The following HOOK3 variants were observed in gnomAD, a reference collection of about 807,000 sequenced individuals.
The protein encoded by HOOK3 is hook microtubule tethering protein 3.
HOOK3 carries 24 observed loss-of-function variants against 116.3 expected under a neutral mutation model. That is an observed-to-expected ratio of 0.21 (90% confidence interval 0.15 to 0.29). The LOEUF is 0.29. HOOK3 is among the 10% of genes least tolerant of loss of function. The pLI is 1.00. For missense variants in HOOK3, 632 were observed against 830.2 expected (o/e 0.76, Z 2.93); for synonymous variants, 275 against 283.0 (o/e 0.97, Z 0.28).
intron 1 of HOOK3, among the ~76,000 whole-genome samples, chr8:42,905,473 A>C (rs1231981324): frequency 6.6e-6 from 1 of 152,044 alleles, no homozygotes; most frequent in Non-Finnish European, 1.5e-5. Flanking sequence ...TTAAATCAAC[A>C]GGAGATTGGC....
intron 6 of HOOK3, among the ~76,000 whole-genome samples, chr8:42,954,139 A>G (rs537071391): frequency 1.6e-4 from 24 of 152,240 alleles, no homozygotes; most frequent in South Asian, 2.1e-4. Flanking sequence ...AAAGGTAGAT[A>G]GAAAGCACAT....
intron 2 of HOOK3, among the ~76,000 whole-genome samples, chr8:42,916,860 A>G (rs187089970): frequency 1.2e-4 from 18 of 152,262 alleles, no homozygotes; most frequent in Admixed American, 5.9e-4. Context: ...ACTTGGGTCT[A>G]AGTCTTTTCG....
chr8:42,941,644 T>C (rs1260540287), intron 4 of HOOK3, among the ~76,000 whole-genome samples: 2 of 152,196 alleles, frequency 1.3e-5, no homozygotes, highest in South Asian at 2.1e-4. Context: ...GTTGGTGGTA[T>C]ATTTCTATTC....
intron 2 of HOOK3, among the ~76,000 whole-genome samples, chr8:42,911,261 G>A (rs571262853): frequency 1.3e-5 from 2 of 152,180 alleles, no homozygotes; most frequent in Admixed American, 6.5e-5. Flanking sequence ...AGACCAGCCT[G>A]ACCAACATGG....
chr8:42,982,276 A>G (rs1808966165), intron 13 of HOOK3, among the ~76,000 whole-genome samples: 3 of 151,210 alleles, frequency 2.0e-5, no homozygotes, highest in Admixed American at 6.6e-5. Flanking sequence ...AAAAAGAAAA[A>G]AAAAAAGAAA....
chr8:42,974,115 A>C lies in HOOK3; in HGVS notation c.1242A>C (p.Arg414Ser), dbSNP rs1325847967. Residue 414 changes from arginine to serine, a missense_variant, in exon 13 of 22, where the codon AGA becomes AGC. By Grantham distance (110) the Arg-to-Ser change is moderately radical. Transcript: ENST00000307602. Reference sequence around the variant, plus strand: ...TTTTTGTGTCTCTCCAGAGGCTGAGAACAGAAAGGGATTCTCTGAAGGAAA... The same window carrying C: ...TTTTTGTGTCTCTCCAGAGGCTGAGCACAGAAAGGGATTCTCTGAAGGAAA... ...DSLQKEKDRLRTERDSLKETI... is the reference protein window; with the variant it reads ...DSLQKEKDRLSTERDSLKETI... 8.7e-6 allele frequency: 14 copies of C among 1,613,298 alleles called. No individual in the cohort carries two copies. The highest frequency in any genetic ancestry group is 1.0e-5 in the Non-Finnish European group (12 of 1,179,322).
rs1809934539 is a variant in HOOK3 at position 43,026,421 on chromosome 8, A to G, written c.*7923A>G. 1 of 205,480 alleles carries G rather than the reference A, an allele frequency of 4.9e-6. No homozygotes were observed. Among genetic ancestry groups the G allele is most frequent in the Non-Finnish European group, 1.0e-5 (1 of 100,484 alleles). The allele number at this position is 205,480 out of a possible 1,614,324, so 12.7% of individuals were successfully genotyped here. Reference sequence around the variant, plus strand: ...TGGCATTTTCTGTTATCTTAGAGTCAGGAATCTAAAGGTCTAAGTCTAGAA... The same window carrying G: ...TGGCATTTTCTGTTATCTTAGAGTCGGGAATCTAAAGGTCTAAGTCTAGAA... On this transcript the variant is annotated 3_prime_UTR_variant, in exon 22 of 22. Coordinates refer to ENST00000307602, the MANE Select transcript of HOOK3 (RefSeq NM_032410.4).
rs760587735 is a variant in HOOK3 at position 42,997,537 on chromosome 8, A to G, written c.1533-13A>G. On this transcript the variant is annotated splice_polypyrimidine_tract_variant and intron_variant, in intron 15 of 21. Transcript: ENST00000307602. ...CTCACCACTTGGAAAATTAATGTAC[A>G]TTTCATTTCTAGGCTGGTGAATCAA... The G allele has an allele frequency of 1.9e-6, 3 of 1,558,232 alleles. No homozygotes were observed. The highest frequency in any genetic ancestry group is 1.4e-5 in the African/African-American group (1 of 73,198).
At chr8:42,964,725 G>A (rs1015579278) in intron 9 of HOOK3, among the ~76,000 whole-genome samples, 1 of 152,016 alleles carries the variant, frequency 6.6e-6, no homozygotes, top group Non-Finnish European at 1.5e-5. Context: ...TACTCGGGAG[G>A]CTGAGAAATG....
intron 5 of HOOK3, among the ~76,000 whole-genome samples, chr8:42,948,154 T>G (rs574671786): frequency 6.6e-6 from 1 of 152,312 alleles, no homozygotes; most frequent in Non-Finnish European, 1.5e-5. Flanking sequence ...AAGTGTTATG[T>G]GACTTGCCCA....
In HOOK3 at chr8:43,019,820, T is replaced by G. The variant is rs1342669861; in HGVS notation, c.*1322T>G. On this transcript the variant is annotated 3_prime_UTR_variant, in exon 22 of 22. Transcript: ENST00000307602. ...TTGGTCCCAAATTATATTTAAGTCT[T>G]TTTTCTTGCAACGTAGCCCATTTTT... 1 of 204,112 alleles carries G rather than the reference T, an allele frequency of 4.9e-6. No individual in the cohort carries two copies. Among genetic ancestry groups the G allele is most frequent in the East Asian group, 7.6e-5 (1 of 13,128 alleles). 12.6% of individuals were successfully genotyped at this position (204,112 alleles called of 1,614,324 possible).
At chr8:42,897,330 C>A (rs902610034) in intron 1 of HOOK3, 142 bp downstream of exon 1, 2 of 473,088 alleles carry the variant, frequency 4.2e-6, no homozygotes, top group Non-Finnish European at 6.7e-6. Context: ...CGAGGAGGCT[C>A]GGCCCAGGGT....
chr8:42,960,296 TAAAAC>T (rs1808512991), intron 8 of HOOK3, among the ~76,000 whole-genome samples: 1 of 152,204 alleles, frequency 6.6e-6, no homozygotes. Flanking sequence ...AGTACTTGCC[TAAAAC>T]ATTTACAGTA....
intron 21 of HOOK3, among the ~76,000 whole-genome samples, chr8:43,014,716 T>C (rs560634702): frequency 1.3e-5 from 2 of 152,328 alleles, no homozygotes; most frequent in Admixed American, 1.3e-4. Flanking sequence ...ATTGTTTTTG[T>C]TTTACAGTTA....
At chr8:42,918,059 G>A (rs1383062648) in intron 2 of HOOK3, among the ~76,000 whole-genome samples, 1 of 152,170 alleles carries the variant, frequency 6.6e-6, no homozygotes, top group Non-Finnish European at 1.5e-5. Context: ...CGTTTGTTTT[G>A]GATCCCATCT....
rs771807617 is a variant in HOOK3 at position 43,029,530 on chromosome 8, T to C, written c.*11032T>C. On this transcript the variant is annotated 3_prime_UTR_variant, in exon 22 of 22. Transcript: ENST00000307602. Reference sequence around the variant, plus strand: ...CATCGCTGTCATGAACTTTGCTGTTTACAGGTTCTGTGTAATTCAGAATGC... The same window carrying C: ...CATCGCTGTCATGAACTTTGCTGTTCACAGGTTCTGTGTAATTCAGAATGC... 15 of 186,470 alleles carry C rather than the reference T, an allele frequency of 8.0e-5. No homozygotes were observed. Among genetic ancestry groups the C allele is most frequent in the Non-Finnish European group, 1.7e-4 (15 of 88,286 alleles). The allele number at this position is 186,470 out of a possible 1,614,324, so 11.6% of individuals were successfully genotyped here.
Position 42,939,285 on chromosome 8 carries a change from T to C in HOOK3, c.268-4028T>C, listed in dbSNP as rs528518146. 3.3e-5 allele frequency among the ~76,000 whole-genome samples: 5 copies of C among 150,746 alleles called. No homozygotes were observed. In the South Asian group the frequency reaches 1.1e-3, roughly 32 times the overall value. ...GGAAGAGGGGCTCCTCACTTCCCAGTAGGGGCGGCCGGGCAGAGGCGCCCC... is the reference window on the plus strand; with the variant it reads ...GGAAGAGGGGCTCCTCACTTCCCAGCAGGGGCGGCCGGGCAGAGGCGCCCC... On this transcript the variant is annotated intron_variant, in intron 4 of 21. Transcript: ENST00000307602.
chr8:42,939,606 TGGCC>T (rs1353168967), intron 4 of HOOK3, among the ~76,000 whole-genome samples: 1 of 142,802 alleles, frequency 7.0e-6, no homozygotes, highest in Non-Finnish European at 1.5e-5. Context: ...ACGGGCTGGC[TGGCC>T]GGGCGGGGGG....
At chr8:42,907,114 G>A (rs1299189565) in intron 2 of HOOK3, among the ~76,000 whole-genome samples, 1 of 152,140 alleles carries the variant, frequency 6.6e-6, no homozygotes, top group Non-Finnish European at 1.5e-5. Context: ...GTCATGGAGG[G>A]TTTGTTGTAA....
Sources: allele counts gnomAD v4.1 joint callset (sites outside exome capture counted in the v4.1 genomes callset), GRCh38; gene constraint gnomAD v4.1.1; transcripts MANE v1.5; gene names NCBI Gene and HGNC (gene_info 2026-07-23, HGNC 2026-07-21).